The following CWC27 variants were observed in gnomAD, a reference collection of about 807,000 sequenced individuals.
CWC27 encodes the protein CWC27 spliceosome associated cyclophilin.
CWC27 carries 47 observed loss-of-function variants against 63.6 expected under a neutral mutation model. The observed-to-expected ratio is 0.74, with a 90% CI of 0.58 to 0.94. CWC27 has a LOEUF of 0.94. Ranked by LOEUF, CWC27 falls within the 40% of genes least tolerant of loss-of-function variation. The pLI is 0.00. For missense variants in CWC27, 495 were observed against 554.3 expected (o/e 0.89, Z 1.07); for synonymous variants, 175 against 179.8 (o/e 0.97, Z 0.22).
intron 10 of CWC27, among the ~76,000 whole-genome samples, chr5:64,826,066 C>A (rs1343149450): frequency 1.8e-5 from 2 of 113,010 alleles, no homozygotes; most frequent in East Asian, 6.7e-4. Flanking sequence ...TAAGCTAATT[C>A]TTTGTAATAA....
intron 11 of CWC27, among the ~76,000 whole-genome samples, chr5:64,926,151 C>T (rs997923245): frequency 7.9e-5 from 12 of 152,218 alleles, no homozygotes; most frequent in African/African-American, 2.9e-4. Context: ...TTGTATTAAT[C>T]TTCTGCATCA....
chr5:64,987,577 C>A (rs1489642579), intron 13 of CWC27, among the ~76,000 whole-genome samples: 1 of 152,152 alleles, frequency 6.6e-6, no homozygotes, highest in Non-Finnish European at 1.5e-5. Context: ...GGTATTATTT[C>A]TCTTCTAGCT....
chr5:64,873,145 A>G (rs1012843128), intron 10 of CWC27, among the ~76,000 whole-genome samples: 1 of 152,232 alleles, frequency 6.6e-6, no homozygotes, highest in African/African-American at 2.4e-5. Flanking sequence ...CGGAAGGTGT[A>G]CAAAAGGAAT....
At chr5:64,875,249 CA>C (rs1580694946) in intron 10 of CWC27, among the ~76,000 whole-genome samples, 1 of 152,128 alleles carries the variant, frequency 6.6e-6, no homozygotes, top group East Asian at 1.9e-4. Context: ...TATGATCTTT[CA>C]TATGGAAGGA....
At chr5:64,787,055 C>T (rs1034715193) in intron 6 of CWC27, among the ~76,000 whole-genome samples, 5 of 152,124 alleles carry the variant, frequency 3.3e-5, no homozygotes, top group African/African-American at 1.2e-4. Context: ...ACTTATAAAA[C>T]CATCAGATCT....
In CWC27 at chr5:64,785,499, T is replaced by C. The variant is rs1743849964; in HGVS notation, c.415T>C (p.Tyr139His). The change falls in exon 5 of 14, where the codon TAT becomes CAT. Residue 139 changes from tyrosine (Y) to histidine (H), a missense_variant. This residue lies in a region of CWC27 where 463 missense variants were observed against 498.1 expected (regional missense o/e 0.93). Coordinates refer to ENST00000381070, the MANE Select transcript of CWC27 (RefSeq NM_005869.4). ...TTGATAGGTTACAGGGGATACAGTA[T>C]ATAACATGTTGCGACTGTCAGAAGT... ...IFGKVTGDTV[Y>H]NMLRLSEVDI... 1.3e-6 allele frequency: 2 copies of C among 1,530,344 alleles called. No homozygotes were observed. The allele number at this position is 1,530,344 out of a possible 1,614,324, so 94.8% of individuals were successfully genotyped here. A position where few individuals can be genotyped will look rare whatever the true frequency, so the allele number is the denominator to read the frequency against.
intron 11 of CWC27, among the ~76,000 whole-genome samples, chr5:64,915,742 T>A (rs111233566): frequency 9.0e-4 from 137 of 152,288 alleles, no homozygotes; most frequent in African/African-American, 3.2e-3. Flanking sequence ...TCATAAATGC[T>A]TACTATATGC....
At chr5:64,942,576 A>G (rs1748507051) in intron 11 of CWC27, among the ~76,000 whole-genome samples, 1 of 152,152 alleles carries the variant, frequency 6.6e-6, no homozygotes, top group Admixed American at 6.6e-5. Flanking sequence ...CTGCATATAA[A>G]TCCATAAATT....
intron 10 of CWC27, among the ~76,000 whole-genome samples, chr5:64,818,849 G>C (rs1484856712): frequency 2.0e-5 from 3 of 152,118 alleles, no homozygotes; most frequent in Non-Finnish European, 4.4e-5. Flanking sequence ...GGATTTCTTA[G>C]TATTTTAGTG....
intron 13 of CWC27, among the ~76,000 whole-genome samples, chr5:65,012,329 AG>A (rs1749975972): frequency 6.6e-6 from 1 of 152,230 alleles, no homozygotes; most frequent in African/African-American, 2.4e-5. Context: ...CCTATGAAAC[AG>A]GGGTGATAAT....
At chr5:64,846,284 T>C (rs1745976566) in intron 10 of CWC27, among the ~76,000 whole-genome samples, 1 of 152,154 alleles carries the variant, frequency 6.6e-6, no homozygotes, top group South Asian at 2.1e-4. Flanking sequence ...GGCAATTTCA[T>C]CCCTAGTACA....
chr5:64,813,916 A>T (rs1269750485), intron 10 of CWC27, among the ~76,000 whole-genome samples: 3 of 152,024 alleles, frequency 2.0e-5, no homozygotes, highest in Non-Finnish European at 4.4e-5. Context: ...TAGTGATTTT[A>T]TTTTTGCTAT....
chr5:64,901,128 G>T (rs549006898), intron 11 of CWC27, among the ~76,000 whole-genome samples: 1 of 152,190 alleles, frequency 6.6e-6, no homozygotes, highest in Admixed American at 6.5e-5. Flanking sequence ...TTGTTCCTAG[G>T]CTATAATCCT....
At chr5:64,975,995 G>A (rs1400212840) in intron 12 of CWC27, among the ~76,000 whole-genome samples, 3 of 152,128 alleles carry the variant, frequency 2.0e-5, no homozygotes, top group Non-Finnish European at 4.4e-5. Context: ...TTGAACCTGG[G>A]AGGCGGAGGT....
intron 9 of CWC27, among the ~76,000 whole-genome samples, chr5:64,803,787 G>A (rs973626363): frequency 1.6e-4 from 24 of 152,276 alleles, no homozygotes; most frequent in African/African-American, 5.8e-4. Context: ...CACAAGAGAA[G>A]TGATTGCTGT....
chr5:64,932,336 A>G (rs1748254666), intron 11 of CWC27, among the ~76,000 whole-genome samples: 1 of 152,076 alleles, frequency 6.6e-6, no homozygotes, highest in African/African-American at 2.4e-5. Flanking sequence ...TTACCAATTT[A>G]TAATCTCAAT....
intron 11 of CWC27, among the ~76,000 whole-genome samples, chr5:64,941,740 A>T (rs1748484982): frequency 6.6e-6 from 1 of 152,058 alleles, no homozygotes. Flanking sequence ...AAAATCTTAC[A>T]CTTGTGAGGT....
At chr5:64,785,892 C>T (rs953421343) in intron 5 of CWC27, among the ~76,000 whole-genome samples, 2 of 151,890 alleles carry the variant, frequency 1.3e-5, no homozygotes, top group African/African-American at 2.4e-5. Context: ...CTGCTGGGCA[C>T]GGTGGCTCAC....
In CWC27 at chr5:64,804,398, A is replaced by AT. The variant is rs1744591099; in HGVS notation, c.938+12_938+13insT. The AT allele has an allele frequency of 2.5e-6, 4 of 1,604,656 alleles. No individual in the cohort carries two copies. The highest frequency in any genetic ancestry group is 3.4e-6 in the Non-Finnish European group (4 of 1,176,102). On this transcript the variant is annotated intron_variant, in intron 10 of 13. Coordinates refer to ENST00000381070, the MANE Select transcript of CWC27 (RefSeq NM_005869.4). Reference sequence around the variant, plus strand: ...TCAGTCAGCCGCAGGTGAGTCAGTTACTGTGCTAGATATCAGAGTTTTTGT... The same window carrying AT: ...TCAGTCAGCCGCAGGTGAGTCAGTTATCTGTGCTAGATATCAGAGTTTTTGT...
Sources: gnomAD v4.1 joint callset for allele counts (sites outside exome capture counted in the v4.1 genomes callset) on GRCh38, gnomAD v4.1.1 for gene constraint, gnomAD v4.1.1 regional missense constraint, MANE v1.5 for transcripts, NCBI Gene and HGNC (gene_info 2026-07-23, HGNC 2026-07-21) for gene names.